The following CYP2C18 variants were observed in gnomAD, a reference collection of about 807,000 sequenced individuals.
The protein encoded by CYP2C18 is cytochrome P450 family 2 subfamily C member 18.
CYP2C18 carries 38 observed loss-of-function variants against 41.3 expected under a neutral mutation model. The ratio of observed to expected loss-of-function variants is 0.92; its 90% CI spans 0.71 to 1.21. The LOEUF (loss-of-function observed/expected upper bound fraction) is 1.21, where lower values mean the gene tolerates loss of function less well. Ranked by LOEUF, CYP2C18 falls within the 50% of genes most tolerant of loss-of-function variation. The probability of loss-of-function intolerance (pLI) is 0.00; values close to 1 mark genes in which losing one functional copy is unlikely to be tolerated. For missense variants in CYP2C18, 635 were observed against 591.4 expected (o/e 1.07, Z -0.77); for synonymous variants, 236 against 210.0 (o/e 1.12, Z -1.07).
At chr10:94,701,408 G>A (rs1187552151) in intron 4 of CYP2C18, among the ~76,000 whole-genome samples, 1 of 152,030 alleles carries the variant, frequency 6.6e-6, no homozygotes, top group African/African-American at 2.4e-5. Flanking sequence ...TTATAGGTGG[G>A]AATTGAACAG....
At chr10:94,694,075 T>C (rs2134179653) in intron 3 of CYP2C18, among the ~76,000 whole-genome samples, 1 of 152,308 alleles carries the variant, frequency 6.6e-6, no homozygotes, top group East Asian at 1.9e-4. Context: ...AAGGTATTTT[T>C]TTGATGGCTA....
At chr10:94,694,233 C>A (rs1442347260) in intron 3 of CYP2C18, among the ~76,000 whole-genome samples, 1 of 152,058 alleles carries the variant, frequency 6.6e-6, no homozygotes, top group Non-Finnish European at 1.5e-5. Flanking sequence ...AAAAGGACTC[C>A]ATCTGTCAAT....
At chr10:94,703,751 T>C (rs978784816) in intron 4 of CYP2C18, among the ~76,000 whole-genome samples, 35 of 152,178 alleles carry the variant, frequency 2.3e-4, no homozygotes, top group Non-Finnish European at 5.0e-4. Context: ...AATGGTTCTG[T>C]CTCACTGGAA....
At position 94,706,786 on chromosome 10, in the gene CYP2C18, C is replaced by T. The variant is rs772611164; in HGVS notation, c.645C>T (p.Val215=). The change falls in exon 5 of 9, where the codon GTC becomes GTT. Residue 215 remains valine (V), a splice_region_variant and synonymous_variant. Transcript: ENST00000285979. ...ATTAATTTTTAAAAATCTTTAAGGT[C>T]TGCAATAATTTCCCTGCTCTCATCG... is the stretch of plus-strand genomic sequence containing the variant. ...LRILSSPWIQ[V]CNNFPALIDY... The T allele has an allele frequency of 3.9e-6, 6 of 1,544,684 alleles. No individual in the cohort carries two copies. The highest frequency in any genetic ancestry group is 5.3e-6 in the Non-Finnish European group (6 of 1,133,916).
chr10:94,732,725 T>C (rs1244381468), intron 7 of CYP2C18, among the ~76,000 whole-genome samples: 1 of 151,948 alleles, frequency 6.6e-6, no homozygotes. Flanking sequence ...CCAAATATTG[T>C]ACGTTCTCAC....
At chr10:94,716,777 G>A (rs1378267782) in intron 5 of CYP2C18, among the ~76,000 whole-genome samples, 1 of 152,130 alleles carries the variant, frequency 6.6e-6, no homozygotes, top group East Asian at 1.9e-4. Flanking sequence ...TGTTGACAGT[G>A]GGGTGTTAAA....
rs754573382 is a variant in CYP2C18, at chr10:94,733,434, A to G, written c.1287A>G (p.Ser429=). ...AAAGTGACTACTTCATGCCTTTCTC[A>G]GCAGGTAATAGATATTCATTTCCAT... ...FKKSDYFMPF[S]AGKRMCMGEG... is the part of the protein sequence containing the mutation. The change falls in exon 8 of 9, where the codon TCA becomes TCG. Residue 429 remains serine, a synonymous_variant. Transcript: ENST00000285979. 1.9e-6 allele frequency: 3 copies of G among 1,613,134 alleles called. No homozygotes were observed. In the South Asian group the frequency reaches 3.3e-5, roughly 18 times the overall value.
chr10:94,720,249 A>C (rs1457331604), intron 5 of CYP2C18, 147 bp from the exon 6 acceptor site: 1 of 623,276 alleles, frequency 1.6e-6, no homozygotes, highest in Non-Finnish European at 2.7e-6. Flanking sequence ...TCTCTGCCAC[A>C]CCGTGCAATT....
chr10:94,727,842 T>G (rs1483656795), intron 7 of CYP2C18, among the ~76,000 whole-genome samples: 1 of 152,154 alleles, frequency 6.6e-6, no homozygotes, highest in East Asian at 1.9e-4. Context: ...TCTGCATTTA[T>G]CTATCATCTA....
chr10:94,718,550 A>G (rs1046590990), intron 5 of CYP2C18, among the ~76,000 whole-genome samples: 4 of 152,084 alleles, frequency 2.6e-5, no homozygotes, highest in Non-Finnish European at 5.9e-5. Flanking sequence ...TCAACTTTCC[A>G]CTATTGAATA....
intron 7 of CYP2C18, among the ~76,000 whole-genome samples, chr10:94,731,056 C>A (rs1049892639): frequency 2.0e-5 from 3 of 152,148 alleles, no homozygotes; most frequent in Admixed American, 1.3e-4. Context: ...GCATTCCATT[C>A]TCATGGATTG....
chr10:94,701,537 G>A (rs1020751594), intron 4 of CYP2C18, among the ~76,000 whole-genome samples: 4 of 152,120 alleles, frequency 2.6e-5, no homozygotes, highest in African/African-American at 9.7e-5. Flanking sequence ...GTTAATGGGT[G>A]CAGCACACCA....
chr10:94,706,927 C>T lies in CYP2C18; in HGVS notation c.786C>T (p.Asp262=). 2 of 1,609,034 alleles carry T rather than the reference C, an allele frequency of 1.2e-6. No individual in the cohort carries two copies. The highest frequency in any genetic ancestry group is 1.7e-6 in the Non-Finnish European group (2 of 1,178,514). Residue 262 remains aspartate, a synonymous_variant, in exon 5 of 9, where the codon GAC becomes GAT. Coordinates refer to ENST00000285979, the MANE Select transcript of CYP2C18 (RefSeq NM_000772.3). ...CCCTGGACATGAACAGTGCTCGGGA[C>T]TTTATTGATTGTTTCCTGATCAAAA... The part of the protein sequence containing the change: ...QESLDMNSAR[D]FIDCFLIKME...
chr10:94,721,511 A>G (rs926945692), intron 6 of CYP2C18, among the ~76,000 whole-genome samples: 2 of 151,844 alleles, frequency 1.3e-5, no homozygotes, highest in African/African-American at 4.8e-5. Context: ...GTGTTCATGA[A>G]TATATTCCCT....
rs1024755294 is a variant in CYP2C18, at chr10:94,735,512, C to G, written c.*68C>G. ...ATTCTCCCTTATCAGGGCCATTGGC[C>G]TCTCCCTTCTCTCTGTGAGGGATAT... On this transcript the variant is annotated 3_prime_UTR_variant, in exon 9 of 9. Transcript: ENST00000285979. 2 of 1,445,192 alleles carry G rather than the reference C, an allele frequency of 1.4e-6. No individual in the cohort carries two copies. The highest frequency in any genetic ancestry group is 1.9e-6 in the Non-Finnish European group (2 of 1,033,528). The allele number at this position is 1,445,192 out of a possible 1,614,324, so 89.5% of individuals were successfully genotyped here.
intron 6 of CYP2C18, among the ~76,000 whole-genome samples, chr10:94,721,057 A>G (rs1847637630): frequency 1.3e-5 from 2 of 151,810 alleles, no homozygotes; most frequent in African/African-American, 2.4e-5. Context: ...TGTGTCACCC[A>G]GGCTGGAGTG....
At chr10:94,697,601 T>A (rs1166522856) in intron 4 of CYP2C18, among the ~76,000 whole-genome samples, 20 of 152,144 alleles carry the variant, frequency 1.3e-4, no homozygotes, top group Admixed American at 1.3e-3. Flanking sequence ...ACTAACATCA[T>A]AATGACAGGA....
chr10:94,707,341 A>G (rs1388168238), intron 5 of CYP2C18, among the ~76,000 whole-genome samples: 2 of 152,170 alleles, frequency 1.3e-5, no homozygotes. Flanking sequence ...TTTGGTGTAA[A>G]TGTTAAAATA....
Position 94,687,756 on chromosome 10 carries a change from T to G in CYP2C18, c.169-14T>G. 6.2e-7 allele frequency: 1 copy of G among 1,607,244 alleles called. No homozygotes were observed. The highest frequency in any genetic ancestry group is 8.5e-7 in the Non-Finnish European group (1 of 1,177,306). On this transcript the variant is annotated splice_polypyrimidine_tract_variant and intron_variant, in intron 1 of 8. Transcript: ENST00000285979. ...GAGTTTTGCTACTATTTGAACCTCC[T>G]TTTCTATGTTTAGTTCTCAAAAGTC...
Sources: gnomAD v4.1 joint callset for allele counts (sites outside exome capture counted in the v4.1 genomes callset) on GRCh38, gnomAD v4.1.1 for gene constraint, MANE v1.5 for transcripts, NCBI Gene and HGNC (gene_info 2026-07-23, HGNC 2026-07-21) for gene names.